Variants in BCAS4 observed in about 807,000 individuals in gnomAD.
BCAS4 encodes breast carcinoma amplified sequence 4, also known as breast carcinoma-amplified sequence 4.
BCAS4 carries 9 observed loss-of-function variants against 15.7 expected under a neutral mutation model. The observed-to-expected ratio is 0.57, with a 90% CI of 0.34 to 1.00. The LOEUF is 1.00. BCAS4 is among the 50% of genes least tolerant of loss of function. The pLI is 0.02. For missense variants in BCAS4, 225 were observed against 239.1 expected (o/e 0.94, Z 0.39); for synonymous variants, 101 against 99.5 (o/e 1.02, Z -0.09).
chr20:50,803,817 A>AG (rs1157932809), intron 1 of BCAS4, among the ~76,000 whole-genome samples: 2 of 151,786 alleles, frequency 1.3e-5, no homozygotes, highest in African/African-American at 4.8e-5. Context: ...AAAAAAAAAA[A>AG]AAAGAGAGAG....
chr20:50,811,686 G>T (rs1022001013), intron 1 of BCAS4, among the ~76,000 whole-genome samples: 1 of 151,880 alleles, frequency 6.6e-6, no homozygotes, highest in Non-Finnish European at 1.5e-5. Context: ...GCAGTGGCAC[G>T]ATCTTGGCTT....
At chr20:50,830,067 T>C (rs1297732697) in intron 2 of BCAS4, among the ~76,000 whole-genome samples, 5 of 152,164 alleles carry the variant, frequency 3.3e-5, no homozygotes, top group African/African-American at 1.2e-4. Context: ...TGTGGTTCAG[T>C]ACATAATACC....
In BCAS4 at chr20:50,841,798, CT is replaced by C; in HGVS notation, c.299del (p.Phe100SerfsTer42). 1 of 1,614,018 alleles carries C rather than the reference CT, an allele frequency of 6.2e-7. No individual in the cohort carries two copies. The highest frequency in any genetic ancestry group is 8.5e-7 in the Non-Finnish European group (1 of 1,180,022). ...TCAAGATGGTTGGACACCACGTCGC[CT>C]TCCTGGAAGCAGACGTGCTTCAGGC... ...FVKMVGHHVAFLEADVLQAER... is the reference protein window; with the variant it reads ...FVKMVGHHVAXLEADVLQAER... On this transcript the variant is annotated frameshift_variant, in exon 4 of 5. Coordinates refer to ENST00000371608, the MANE Select transcript of BCAS4 (RefSeq NM_198799.4). LOFTEE classifies it high-confidence loss of function.
intron 4 of BCAS4, among the ~76,000 whole-genome samples, chr20:50,875,040 C>T (rs1169655372): frequency 1.3e-5 from 2 of 151,994 alleles, no homozygotes; most frequent in Non-Finnish European, 2.9e-5. Flanking sequence ...CGGGAGCCCT[C>T]TCCTTCTTCT....
intron 4 of BCAS4, among the ~76,000 whole-genome samples, chr20:50,859,930 A>G (rs767583667): frequency 6.6e-6 from 1 of 152,174 alleles, no homozygotes; most frequent in African/African-American, 2.4e-5. Flanking sequence ...GCTTGAACCC[A>G]GGATTTCGAG....
chr20:50,872,772 C>G (rs1194193426), intron 4 of BCAS4, among the ~76,000 whole-genome samples: 1 of 152,222 alleles, frequency 6.6e-6, no homozygotes, highest in Non-Finnish European at 1.5e-5. Flanking sequence ...CTCCAAAGAG[C>G]TGTGGGTTAC....
rs78971401 is a variant in BCAS4, at chr20:50,810,331, C to T, written c.91-7880C>T. On this transcript the variant is annotated intron_variant, in intron 1 of 4. Transcript: ENST00000371608. ...AGCAAGTCACAGGCCAGCCTAGATT[C>T]GGGAGTGGGAAGAATTGGATCCCAC... Among the ~76,000 whole-genome samples, 1,063 of 151,980 alleles carry T rather than the reference C, an allele frequency of 7.0e-3. 8 individuals are homozygous for T. The highest frequency in any genetic ancestry group is 0.025 in the African/African-American group (1,016 of 41,456).
intron 3 of BCAS4, chr20:50,840,409 C>A (rs1246392698): frequency 6.1e-6 from 4 of 660,630 alleles, no homozygotes; most frequent in African/African-American, 1.8e-5. Flanking sequence ...CATGCAAGTT[C>A]TTTCCTTCCC....
At position 50,830,329 on chromosome 20, in the gene BCAS4, G is replaced by A; in HGVS notation, c.213G>A (p.Lys71=). 3 of 1,614,078 alleles carry A rather than the reference G, an allele frequency of 1.9e-6. No homozygotes were observed. The highest frequency in any genetic ancestry group is 2.5e-6 in the Non-Finnish European group (3 of 1,179,964). ...QILEENIPVL[K]AKLTEMRGIY... ...TGGAGGAAAACATCCCAGTCCTTAA[G>A]GCCAAACTGACAGAAATGCGTGGCA... The change falls in exon 3 of 5, where the codon AAG becomes AAA. Residue 71 remains lysine (K), a synonymous_variant. Transcript: ENST00000371608.
rs748308643 is a variant in BCAS4 at position 50,841,901 on chromosome 20, G to A, written c.399+1G>A. ...CGCAGGGCTCCCCTCCTTCAGGAAC[G>A]TGAGTATCCTGCCCCGAGAAGTGAG... is the stretch of plus-strand genomic sequence containing the variant. On this transcript the variant is annotated splice_donor_variant, in intron 4 of 4. Coordinates refer to ENST00000371608, the MANE Select transcript of BCAS4 (RefSeq NM_198799.4). LOFTEE classifies it high-confidence loss of function. 17 of 1,575,474 alleles carry A rather than the reference G, an allele frequency of 1.1e-5. No individual in the cohort carries two copies. Among genetic ancestry groups the A allele is most frequent in the Non-Finnish European group, 1.4e-5 (16 of 1,159,520 alleles).
In BCAS4 at chr20:50,876,624, C is replaced by T. The variant is rs1307455464; in HGVS notation, c.*16C>T. The T allele has an allele frequency of 6.2e-7, 1 of 1,612,868 alleles. No individual in the cohort carries two copies. Among genetic ancestry groups the T allele is most frequent in the South Asian group, 1.1e-5 (1 of 90,868 alleles). ...GCCTTTGTGAGCTTTGTGGTCTTCC[C>T]ATCAGGAACGCTGGAAAGTGACATT... On this transcript the variant is annotated 3_prime_UTR_variant, in exon 5 of 5. Transcript: ENST00000371608.
chr20:50,877,616 T>G (rs894766879), downstream of BCAS4: 7 of 152,312 alleles, frequency 4.6e-5, no homozygotes, highest in African/African-American at 1.7e-4. Flanking sequence ...CCCAGCATCT[T>G]GGGAGGCTGA....
rs1353535722 is a variant in BCAS4, at chr20:50,795,071, C to G, written c.-13C>G. 11 of 1,492,164 alleles carry G rather than the reference C, an allele frequency of 7.4e-6. No individual in the cohort carries two copies. The highest frequency in any genetic ancestry group is 9.8e-6 in the Non-Finnish European group (11 of 1,121,580). 92.4% of individuals were successfully genotyped at this position (1,492,164 alleles called of 1,614,324 possible). A position where few individuals can be genotyped will look rare whatever the true frequency, so the allele number is the denominator to read the frequency against. Reference sequence around the variant, plus strand: ...CAGGCAGCCTCCGCCAGCCGGACCCCGTCGCCCTCCTGATGCTGCTCGTGG... The same window carrying G: ...CAGGCAGCCTCCGCCAGCCGGACCCGGTCGCCCTCCTGATGCTGCTCGTGG... On this transcript the variant is annotated 5_prime_UTR_variant, in exon 1 of 5. Coordinates refer to ENST00000371608, the MANE Select transcript of BCAS4 (RefSeq NM_198799.4).
In BCAS4 at chr20:50,841,841, G is replaced by A. The variant is rs748218673; in HGVS notation, c.340G>A (p.Ala114Thr). The A allele has an allele frequency of 1.1e-5, 18 of 1,612,950 alleles. No homozygotes were observed. The Admixed American group carries it at 2.5e-4, about 22-fold the overall frequency. ...GCTTCAGGCTGAGCGGGACCATGGG[G>A]CCTTCCCTCAGGCCCTGCGGAGGTG... is the stretch of plus-strand genomic sequence containing the variant. ...DVLQAERDHG[A>T]FPQALRRWLG... Residue 114 changes from alanine to threonine, a missense_variant, in exon 4 of 5, where the codon GCC becomes ACC. Ala to Thr is a moderately conservative substitution (Grantham distance 58). Transcript: ENST00000371608.
At chr20:50,819,869 G>A (rs570651732) in intron 2 of BCAS4, among the ~76,000 whole-genome samples, 7 of 150,506 alleles carry the variant, frequency 4.7e-5, no homozygotes, top group Non-Finnish European at 8.8e-5. Flanking sequence ...CCTTCCTTTC[G>A]AGATAGAGTC....
chr20:50,879,320 C>T (rs897271320), downstream of BCAS4: 8 of 152,174 alleles, frequency 5.3e-5, no homozygotes, highest in African/African-American at 1.9e-4. Flanking sequence ...AATTCGAGAC[C>T]AGCCTGGCCA....
intron 4 of BCAS4, among the ~76,000 whole-genome samples, chr20:50,874,414 G>A (rs886298097): frequency 1.3e-4 from 20 of 152,186 alleles, no homozygotes; most frequent in East Asian, 7.7e-4. Context: ...CTCAGCACCC[G>A]GAAACTCCCC....
At chr20:50,801,354 A>C (rs2087924585) in intron 1 of BCAS4, among the ~76,000 whole-genome samples, 1 of 152,008 alleles carries the variant, frequency 6.6e-6, no homozygotes, top group Non-Finnish European at 1.5e-5. Flanking sequence ...TGAACCCGGG[A>C]GGTGGAAGTT....
At chr20:50,872,588 A>T (rs963174819) in intron 4 of BCAS4, among the ~76,000 whole-genome samples, 1 of 152,068 alleles carries the variant, frequency 6.6e-6, no homozygotes, top group African/African-American at 2.4e-5. Flanking sequence ...GAACAAAAAA[A>T]AAAAAAGAAA....
Sources: allele counts gnomAD v4.1 joint callset (sites outside exome capture counted in the v4.1 genomes callset), GRCh38; gene constraint gnomAD v4.1.1; transcripts MANE v1.5; gene names NCBI Gene and HGNC (gene_info 2026-07-23, HGNC 2026-07-21).